NTN1: variants seen among roughly 807,000 people sequenced by gnomAD.
NTN1 encodes the protein netrin 1.
In NTN1, 11 loss-of-function variants were observed where a neutral mutation model predicts 54.2. The ratio of observed to expected loss-of-function variants is 0.20; its 90% CI spans 0.13 to 0.34. NTN1 has a LOEUF of 0.34. Among genes scored for constraint, NTN1 ranks in the 10% least tolerant of loss-of-function variants. The pLI is 1.00. For missense variants in NTN1, 740 were observed against 893.1 expected (o/e 0.83, Z 2.18); for synonymous variants, 371 against 382.0 (o/e 0.97, Z 0.33).
At chr17:9,068,571 C>T (rs934252116) in intron 2 of NTN1, among the ~76,000 whole-genome samples, 2 of 150,070 alleles carry the variant, frequency 1.3e-5, no homozygotes, top group South Asian at 2.1e-4. Flanking sequence ...TGCAATGGTG[C>T]GATCTCGGCT....
intron 2 of NTN1, among the ~76,000 whole-genome samples, chr17:9,141,483 T>A (rs80347866): frequency 1.2e-3 from 185 of 152,186 alleles, no homozygotes; most frequent in African/African-American, 4.1e-3. Flanking sequence ...ATGGCAGACT[T>A]AGGTGGCCTT....
At chr17:9,222,414 A>G (rs1212408476) in intron 6 of NTN1, among the ~76,000 whole-genome samples, 1 of 152,152 alleles carries the variant, frequency 6.6e-6, no homozygotes, top group Admixed American at 6.5e-5. Context: ...TCCTAATCAT[A>G]TGCTTCTCAG....
chr17:9,126,519 A>G lies in NTN1; in HGVS notation c.1019-36294A>G, dbSNP rs1567716702. ...AGAGCGAAACTCCATCTCAAGAAAA[A>G]AGAGAGAGAGAGAGAGAGATAAAGG... On this transcript the variant is annotated intron_variant, in intron 2 of 6. Transcript: ENST00000173229. 2.6e-5 allele frequency among the ~76,000 whole-genome samples: 4 copies of G among 151,152 alleles called. No individual in the cohort carries two copies. The South Asian group carries it at 6.2e-4, about 24-fold the overall frequency.
intron 2 of NTN1, among the ~76,000 whole-genome samples, chr17:9,067,245 C>A (rs1025272611): frequency 7.0e-6 from 1 of 142,854 alleles, no homozygotes; most frequent in Non-Finnish European, 1.5e-5. Flanking sequence ...CCAGCCTGGG[C>A]GACAGAGCAA....
intron 2 of NTN1, among the ~76,000 whole-genome samples, chr17:9,137,711 T>C (rs1172577553): frequency 6.6e-6 from 1 of 152,108 alleles, no homozygotes; most frequent in African/African-American, 2.4e-5. Flanking sequence ...GGAGAATCGC[T>C]TGAACCTGGG....
chr17:9,130,309 G>A (rs979545881), intron 2 of NTN1, among the ~76,000 whole-genome samples: 1 of 152,160 alleles, frequency 6.6e-6, no homozygotes, highest in African/African-American at 2.4e-5. Flanking sequence ...GCTGTCAGGT[G>A]GAAATCATCC....
chr17:9,154,897 T>C (rs3744655), intron 2 of NTN1, among the ~76,000 whole-genome samples: 79,111 of 151,944 alleles, frequency 0.52, 20,928 homozygotes, highest in African/African-American at 0.6. Context: ...CTTTACCTCC[T>C]TGCAAAGGCT....
At chr17:9,013,075 T>C in the NTN1 span, among the ~76,000 whole-genome samples, 145,350 of 152,062 alleles carry the variant, frequency 0.96, 69,530 homozygotes, top group East Asian at 1. Context: ...TGGGTGGAAC[T>C]TGCTGGCATT....
intron 2 of NTN1, among the ~76,000 whole-genome samples, chr17:9,146,846 G>A (rs2092314992): frequency 6.6e-6 from 1 of 152,158 alleles, no homozygotes; most frequent in Admixed American, 6.5e-5. Context: ...GAGGCACTGG[G>A]GTTGCTTACT....
intron 2 of NTN1, among the ~76,000 whole-genome samples, chr17:9,094,466 G>A (rs2092123565): frequency 6.6e-6 from 1 of 152,058 alleles, no homozygotes; most frequent in Admixed American, 6.6e-5. Context: ...AATATAATAT[G>A]TACATATAAA....
In NTN1 at chr17:9,146,940, G is replaced by T. The variant is rs977192928; in HGVS notation, c.1019-15873G>T. Among the ~76,000 whole-genome samples, 7 of 152,028 alleles carry T rather than the reference G, an allele frequency of 4.6e-5. No individual in the cohort carries two copies. The East Asian group carries it at 1.3e-3, about 29-fold the overall frequency. On this transcript the variant is annotated intron_variant, in intron 2 of 6. Coordinates refer to ENST00000173229, the MANE Select transcript of NTN1 (RefSeq NM_004822.3). Reference sequence around the variant, plus strand: ...CCCCGGCATCGGTGTTGAGATGCTGGCCATAGACAGCTGCCTTGCTACCTC... The same window carrying T: ...CCCCGGCATCGGTGTTGAGATGCTGTCCATAGACAGCTGCCTTGCTACCTC...
At chr17:9,015,309 G>A in the NTN1 span, among the ~76,000 whole-genome samples, 1 of 152,140 alleles carries the variant, frequency 6.6e-6, no homozygotes. Flanking sequence ...TACTTGGGAG[G>A]CTGAGGCAGG....
At chr17:9,051,655 A>G (rs904618334) in intron 2 of NTN1, among the ~76,000 whole-genome samples, 1 of 152,248 alleles carries the variant, frequency 6.6e-6, no homozygotes, top group Non-Finnish European at 1.5e-5. Flanking sequence ...GCTAATTAAT[A>G]TAGCCATCAC....
At chr17:9,114,166 A>AAAATATATATATATATATATATATATAT (rs1555569108) in intron 2 of NTN1, among the ~76,000 whole-genome samples, 1 of 74,656 alleles carries the variant, frequency 1.3e-5, no homozygotes, top group African/African-American at 5.8e-5. Flanking sequence ...AAAAAAAAAA[A>AAAATATATATATATATATATATATATAT]ATATATATAT....
intron 2 of NTN1, among the ~76,000 whole-genome samples, chr17:9,156,209 G>A (rs535993928): frequency 1.3e-5 from 2 of 151,286 alleles, no homozygotes; most frequent in Admixed American, 6.6e-5. Flanking sequence ...GCTGGGGCCT[G>A]CAGCCTGCGA....
chr17:9,212,766 G>A lies in NTN1; in HGVS notation c.1412-8402G>A, dbSNP rs989762701. Among the ~76,000 whole-genome samples, 1 of 152,180 alleles carries A rather than the reference G, an allele frequency of 6.6e-6. No individual in the cohort carries two copies. ...CCCCCTGCCCCACCTTCCCAAGCCC[G>A]ACAGCCCAGAAGCAGAGCGGCAGAG... On this transcript the variant is annotated intron_variant, in intron 5 of 6. Coordinates refer to ENST00000173229, the MANE Select transcript of NTN1 (RefSeq NM_004822.3). This position sits in a 1 kb window ranked among gnomAD's most constrained non-coding sequence, Gnocchi z 5.5.
chr17:9,200,577 G>C (rs1904754019), intron 5 of NTN1, among the ~76,000 whole-genome samples: 1 of 152,152 alleles, frequency 6.6e-6, no homozygotes, highest in Non-Finnish European at 1.5e-5. Flanking sequence ...TGAAAGTGGG[G>C]GATTTCTTGT....
At chr17:9,038,279 A>ACACACACACACC in intron 2 of NTN1, among the ~76,000 whole-genome samples, 2 of 149,966 alleles carry the variant, frequency 1.3e-5, no homozygotes, top group Non-Finnish European at 3.0e-5. Context: ...ACACACACAC[A>ACACACACACACC]CCTGAGATCA....
At chr17:9,018,401 G>A (rs139251853), upstream of NTN1, among the ~76,000 whole-genome samples, 960 of 152,230 alleles carry the variant, frequency 6.3e-3, 6 homozygotes, top group Middle Eastern at 0.02. Flanking sequence ...GGAGGCCGAG[G>A]CGGGCAGATC....
Sources: gnomAD v4.1 joint callset for allele counts (sites outside exome capture counted in the v4.1 genomes callset) on GRCh38, gnomAD v4.1.1 for gene constraint, Gnocchi (gnomAD v3.1) non-coding constraint, MANE v1.5 for transcripts, NCBI Gene and HGNC (gene_info 2026-07-23, HGNC 2026-07-21) for gene names.